SORCS1: variants seen among roughly 807,000 people sequenced by gnomAD.
SORCS1 encodes VPS10 domain-containing receptor SorCS1.
SORCS1 carries 60 observed loss-of-function variants against 146.1 expected under a neutral mutation model. The ratio of observed to expected loss-of-function variants is 0.41; its 90% CI spans 0.33 to 0.51. The LOEUF is 0.51. Ranked by LOEUF, SORCS1 falls within the 20% of genes least tolerant of loss-of-function variation. The pLI, the probability that SORCS1 is intolerant of heterozygous loss-of-function variation, is 0.21. For synonymous variants in SORCS1, 637 were observed against 584.0 expected (o/e 1.09, Z -1.31); for missense variants, 1,352 against 1,487.6 (o/e 0.91, Z 1.50).
At chr10:106,610,288 C>T (rs1033013826) in intron 22 of SORCS1, among the ~76,000 whole-genome samples, 3 of 151,932 alleles carry the variant, frequency 2.0e-5, no homozygotes, top group African/African-American at 7.3e-5. Flanking sequence ...AGATTCAAAC[C>T]TTGATGGTTT....
chr10:106,922,452 T>C (rs1952760948), intron 2 of SORCS1, among the ~76,000 whole-genome samples: 1 of 152,248 alleles, frequency 6.6e-6, no homozygotes, highest in African/African-American at 2.4e-5. Context: ...AAAAGCCCGT[T>C]GATAATAAAG....
At chr10:106,688,705 T>A (rs1853063518) in intron 9 of SORCS1, among the ~76,000 whole-genome samples, 1 of 152,182 alleles carries the variant, frequency 6.6e-6, no homozygotes, top group Non-Finnish European at 1.5e-5. Context: ...TATGCTAGTG[T>A]AGCACCCAGA....
At chr10:106,959,931 G>A (rs908171523) in intron 1 of SORCS1, among the ~76,000 whole-genome samples, 3 of 149,844 alleles carry the variant, frequency 2.0e-5, no homozygotes, top group African/African-American at 7.6e-5. Context: ...CAAGTGTAGA[G>A]TATTCAAGTT....
intron 1 of SORCS1, among the ~76,000 whole-genome samples, chr10:107,110,179 C>T (rs1590160448): frequency 6.6e-6 from 1 of 152,066 alleles, no homozygotes; most frequent in African/African-American, 2.4e-5. Context: ...ATTCTAAGCC[C>T]TCCAGATTTT....
At position 106,675,470 on chromosome 10, in the gene SORCS1, C is replaced by T. The variant is rs191682754; in HGVS notation, c.1833-314G>A. On this transcript the variant is annotated intron_variant, in intron 13 of 25. Coordinates refer to ENST00000263054, the MANE Select transcript of SORCS1 (RefSeq NM_052918.5). ...TATATCTTAGGCCTCAAGCTCTTGA[C>T]CCTGTCCAAAACCTCTCTACTGTCT... Among the ~76,000 whole-genome samples the T allele has an allele frequency of 6.2e-4, 95 of 152,214 alleles. 4 individuals carry two copies. The East Asian group carries it at 0.015, about 24-fold the overall frequency.
chr10:106,587,884 G>C (rs1845339161), intron 24 of SORCS1, among the ~76,000 whole-genome samples: 1 of 152,018 alleles, frequency 6.6e-6, no homozygotes, highest in African/African-American at 2.4e-5. Context: ...TGAGGTTTGA[G>C]GCTCTTCCTT....
chr10:106,862,328 T>G, intron 2 of SORCS1, among the ~76,000 whole-genome samples: 1 of 152,092 alleles, frequency 6.6e-6, no homozygotes, highest in African/African-American at 2.4e-5. Flanking sequence ...GGTGAAATAA[T>G]TGATGCTATC....
At chr10:106,841,743 G>A (rs1349963421) in intron 2 of SORCS1, among the ~76,000 whole-genome samples, 1 of 152,122 alleles carries the variant, frequency 6.6e-6, no homozygotes, top group East Asian at 1.9e-4. Flanking sequence ...CTTCCTGCAT[G>A]CCTTTTCATG....
intron 2 of SORCS1, among the ~76,000 whole-genome samples, chr10:106,890,474 AC>A (rs1376567221): frequency 6.6e-6 from 1 of 152,190 alleles, no homozygotes; most frequent in Non-Finnish European, 1.5e-5. Flanking sequence ...AGAAAAAAAA[AC>A]AAAGGTCTAT....
intron 1 of SORCS1, among the ~76,000 whole-genome samples, chr10:106,991,815 G>A (rs1158022328): frequency 6.6e-6 from 1 of 152,174 alleles, no homozygotes; most frequent in Non-Finnish European, 1.5e-5. Flanking sequence ...GGAGGATGAA[G>A]TTGAGGTTGT....
chr10:106,740,799 C>A (rs917874181), intron 5 of SORCS1, among the ~76,000 whole-genome samples: 1 of 152,092 alleles, frequency 6.6e-6, no homozygotes, highest in Non-Finnish European at 1.5e-5. Context: ...ATACATGACA[C>A]AAATTCAGGA....
At chr10:106,984,606 G>T (rs1048086738) in intron 1 of SORCS1, among the ~76,000 whole-genome samples, 4 of 151,726 alleles carry the variant, frequency 2.6e-5, no homozygotes, top group Non-Finnish European at 5.9e-5. Flanking sequence ...TGTTAGCCAG[G>T]ATGGTCTTTA....
In SORCS1 at chr10:106,934,588, T is replaced by G. The variant is rs145927053; in HGVS notation, c.626+21925A>C. On this transcript the variant is annotated intron_variant, in intron 2 of 25. Coordinates refer to ENST00000263054, the MANE Select transcript of SORCS1 (RefSeq NM_052918.5). The stretch of plus-strand genomic sequence containing the variant: ...TGGAGATTTTTTAAAGAACTAAAAG[T>G]AGATCTACCATTCAATCCAGGAACC... Among the ~76,000 whole-genome samples, 335 of 152,248 alleles carry G rather than the reference T, an allele frequency of 2.2e-3. 1 individual carries two copies. The highest frequency in any genetic ancestry group is 4.0e-3 in the Non-Finnish European group (270 of 68,020).
In SORCS1 at chr10:107,072,602, CATACACATATATAT is replaced by C. The variant is rs1236810877; in HGVS notation, c.558+91353_558+91366del. 6.0e-5 allele frequency among the ~76,000 whole-genome samples: 9 copies of C among 149,406 alleles called. No homozygotes were observed. In the East Asian group the frequency reaches 1.7e-3, roughly 29 times the overall value. Reference sequence around the variant, plus strand: ...ACTTACATATATTTCTATATACATACATACACATATATATATACACACATATATAGACACATGGC... The same window carrying C: ...ACTTACATATATTTCTATATACATACATACACACATATATAGACACATGGC... On this transcript the variant is annotated intron_variant, in intron 1 of 25. Coordinates refer to ENST00000263054, the MANE Select transcript of SORCS1 (RefSeq NM_052918.5).
intron 18 of SORCS1, among the ~76,000 whole-genome samples, chr10:106,644,142 T>A (rs977833413): frequency 6.6e-6 from 1 of 152,200 alleles, no homozygotes; most frequent in Non-Finnish European, 1.5e-5. Context: ...ATATTTTATA[T>A]GGATTTCTGA....
At chr10:106,605,220 G>A (rs969090355) in intron 23 of SORCS1, among the ~76,000 whole-genome samples, 1 of 152,212 alleles carries the variant, frequency 6.6e-6, no homozygotes, top group African/African-American at 2.4e-5. Context: ...ACACCCAGAA[G>A]AGACAGAGAA....
chr10:106,672,802 C>A, intron 15 of SORCS1, 66 bp downstream of exon 15: 1 of 1,377,288 alleles, frequency 7.3e-7, no homozygotes, highest in Middle Eastern at 1.9e-4. Flanking sequence ...ACCTTAGCAA[C>A]TAGCTTTCCC....
intron 2 of SORCS1, among the ~76,000 whole-genome samples, chr10:106,836,760 A>G (rs1948808483): frequency 6.6e-6 from 1 of 152,162 alleles, no homozygotes; most frequent in African/African-American, 2.4e-5. Flanking sequence ...GTATAAGCAG[A>G]AACTCTCACA....
intron 1 of SORCS1, among the ~76,000 whole-genome samples, chr10:107,010,305 C>T (rs1043345161): frequency 2.0e-5 from 3 of 152,164 alleles, no homozygotes; most frequent in African/African-American, 4.8e-5. Context: ...AGTTTGAAAA[C>T]CCACTGGGCC....
Sources: gnomAD v4.1 joint callset for allele counts (sites outside exome capture counted in the v4.1 genomes callset) on GRCh38, gnomAD v4.1.1 for gene constraint, MANE v1.5 for transcripts, NCBI Gene and HGNC (gene_info 2026-07-23, HGNC 2026-07-21) for gene names.